DOCK7: variants seen among roughly 807,000 people sequenced by gnomAD.
The protein encoded by DOCK7 is dedicator of cytokinesis 7, also known as dedicator of cytokinesis protein 7.
Under a neutral mutation model 271.0 loss-of-function variants are expected in DOCK7, and 138 were observed. The ratio of observed to expected loss-of-function variants is 0.51; its 90% CI spans 0.44 to 0.59. DOCK7 has a LOEUF of 0.59. DOCK7 is among the 20% of genes least tolerant of loss of function. The probability of loss-of-function intolerance (pLI) is 0.00; values close to 1 mark genes in which losing one functional copy is unlikely to be tolerated. For missense variants in DOCK7, 2,066 were observed against 2,592.4 expected, an observed-to-expected ratio of 0.80 and a Z score of 4.41; for synonymous variants, 823 against 876.1, an observed-to-expected ratio of 0.94 and a Z score of 1.07.
At chr1:62,469,943 G>A (rs1037392379) in intron 48 of DOCK7, among the ~76,000 whole-genome samples, 8 of 150,488 alleles carry the variant, frequency 5.3e-5, no homozygotes, top group Non-Finnish European at 8.9e-5. Flanking sequence ...GTGTGGATGC[G>A]GTAAAAAGGG....
chr1:62,518,452 T>C (rs1008833094), intron 31 of DOCK7, among the ~76,000 whole-genome samples: 2 of 151,922 alleles, frequency 1.3e-5, no homozygotes, highest in Non-Finnish European at 2.9e-5. Flanking sequence ...CGGGCGCCTG[T>C]AGTCCCAGCT....
At chr1:62,504,031 A>T (rs1646869345) in intron 37 of DOCK7, among the ~76,000 whole-genome samples, 1 of 142,640 alleles carries the variant, frequency 7.0e-6, no homozygotes. Context: ...TGGGCGACTG[A>T]GTGAGACTCC....
chr1:62,542,835 C>A (rs915835723), intron 24 of DOCK7, 132 bp from the exon 25 acceptor site: 1 of 663,916 alleles, frequency 1.5e-6, no homozygotes, highest in Non-Finnish European at 2.5e-6. Flanking sequence ...TTCAATGATG[C>A]ACTGAAGACA....
chr1:62,628,598 C>T (rs941743541), intron 11 of DOCK7: 3 of 152,080 alleles, frequency 2.0e-5, no homozygotes, highest in Admixed American at 6.5e-5. Context: ...AAAACTCTTA[C>T]AAGAATACAT....
At chr1:62,537,816 T>C in intron 28 of DOCK7, 75 bp downstream of exon 28, 1 of 1,360,832 alleles carries the variant, frequency 7.3e-7, no homozygotes, top group Non-Finnish European at 1.0e-6. Context: ...CAATAAGTGT[T>C]ATTTTTTCCA....
intron 18 of DOCK7, among the ~76,000 whole-genome samples, chr1:62,576,044 T>C (rs1368572787): frequency 6.6e-6 from 1 of 152,180 alleles, no homozygotes; most frequent in Non-Finnish European, 1.5e-5. Context: ...GGGAGAGTCA[T>C]ATTTCTTACT....
intron 2 of DOCK7, among the ~76,000 whole-genome samples, chr1:62,655,973 C>T (rs1657973174): frequency 6.6e-6 from 1 of 152,076 alleles, no homozygotes; most frequent in African/African-American, 2.4e-5. Context: ...ACTGGGTTTT[C>T]GAGCTCTAAA....
At chr1:62,619,256 A>T (rs1363965577) in intron 13 of DOCK7, among the ~76,000 whole-genome samples, 2 of 152,200 alleles carry the variant, frequency 1.3e-5, no homozygotes, top group African/African-American at 2.4e-5. Flanking sequence ...GGTTTGCTCC[A>T]ATCATAATAT....
In DOCK7 at chr1:62,543,656, C is replaced by G; in HGVS notation, c.2949G>C (p.Lys983Asn). Residue 983 changes from lysine (K) to asparagine (N), a missense_variant and splice_region_variant, in exon 24 of 50, where the codon AAG becomes AAC. Transcript: ENST00000635253. The part of the protein sequence containing the change: ...QTLTGRLPTK[K>N]LFHEELALQW... ...ATGAATTGTCTTCATATGAATCTACCTTTTTAGTTGGTAAGCGTCCCGTTA... is the reference window on the plus strand; with the variant it reads ...ATGAATTGTCTTCATATGAATCTACGTTTTTAGTTGGTAAGCGTCCCGTTA... 1 of 1,595,044 alleles carries G rather than the reference C, an allele frequency of 6.3e-7. No homozygotes were observed. The highest frequency in any genetic ancestry group is 8.6e-7 in the Non-Finnish European group (1 of 1,166,424).
At chr1:62,489,170 C>CCT in intron 41 of DOCK7, 105 bp from the exon 42 acceptor site, 1 of 1,134,772 alleles carries the variant, frequency 8.8e-7, no homozygotes, top group South Asian at 1.7e-5. Context: ...TACACTGAGG[C>CCT]CAGACGCAGT....
intron 3 of DOCK7, 50 bp from the exon 4 acceptor site, chr1:62,653,843 T>C (rs376803207): frequency 8.2e-5 from 120 of 1,456,538 alleles, no homozygotes; most frequent in Non-Finnish European, 1.1e-4. Context: ...ACAGCACTGA[T>C]GTTCATTAAT....
intron 18 of DOCK7, among the ~76,000 whole-genome samples, chr1:62,574,031 C>T (rs1237351925): frequency 6.6e-6 from 1 of 152,074 alleles, no homozygotes; most frequent in Non-Finnish European, 1.5e-5. Context: ...TAAGGAACGG[C>T]ATTTTGAAGT....
At chr1:62,492,462 AT>A in intron 41 of DOCK7, 1 of 381,326 alleles carries the variant, frequency 2.6e-6, no homozygotes, top group Non-Finnish European at 4.7e-6. Flanking sequence ...TGAATTTTTA[AT>A]TTTTTGTAGA....
chr1:62,625,703 C>G (rs1229560328), intron 11 of DOCK7, among the ~76,000 whole-genome samples: 1 of 152,114 alleles, frequency 6.6e-6, no homozygotes, highest in Non-Finnish European at 1.5e-5. Flanking sequence ...AAAATGTTTA[C>G]CACAGGAAAA....
intron 1 of DOCK7, among the ~76,000 whole-genome samples, chr1:62,665,670 T>C: frequency 7.6e-6 from 1 of 131,430 alleles, no homozygotes. Flanking sequence ...AAGCCGAGAT[T>C]GCGCCACTGC....
intron 14 of DOCK7, chr1:62,603,840 C>A: frequency 2.4e-6 from 2 of 833,016 alleles, no homozygotes; most frequent in Non-Finnish European, 3.8e-6. Flanking sequence ...TTTTAAGATA[C>A]ACTAAAATGA....
intron 14 of DOCK7, among the ~76,000 whole-genome samples, chr1:62,603,617 T>C (rs1054018715): frequency 2.0e-5 from 3 of 151,792 alleles, no homozygotes; most frequent in African/African-American, 7.2e-5. Context: ...AATAAATAGC[T>C]GACAGTAAAG....
At chr1:62,665,714 CAAAAAAAAAAAAA>C (rs59439795) in intron 1 of DOCK7, among the ~76,000 whole-genome samples, 1 of 43,092 alleles carries the variant, frequency 2.3e-5, no homozygotes, top group Non-Finnish European at 4.1e-5. Context: ...GACTCCATCT[CAAAAAAAAAAAAA>C]AAAAAAAAAA....
chr1:62,571,140 T>G (rs1407143950), intron 18 of DOCK7, among the ~76,000 whole-genome samples: 1 of 151,866 alleles, frequency 6.6e-6, no homozygotes, highest in Non-Finnish European at 1.5e-5. Context: ...GGGAGAGAAA[T>G]TTTGCAACCT....
Sources: allele counts gnomAD v4.1 joint callset (sites outside exome capture counted in the v4.1 genomes callset), GRCh38; gene constraint gnomAD v4.1.1; transcripts MANE v1.5; gene names NCBI Gene and HGNC (gene_info 2026-07-23, HGNC 2026-07-21).